The following PI4K2B variants were observed in gnomAD, a reference collection of about 807,000 sequenced individuals.
PI4K2B encodes phosphatidylinositol 4-kinase type 2-beta.
Under a neutral mutation model 56.6 loss-of-function variants are expected in PI4K2B, and 46 were observed. The observed-to-expected ratio is 0.81, with a 90% CI of 0.64 to 1.04. The LOEUF (loss-of-function observed/expected upper bound fraction) is 1.04. Ranked by LOEUF, PI4K2B falls within the 50% of genes least tolerant of loss-of-function variation. PI4K2B has a pLI of 0.00. For missense variants in PI4K2B, 556 were observed against 607.7 expected (o/e 0.91, Z 0.89); for synonymous variants, 211 against 223.8 (o/e 0.94, Z 0.51).
intron 7 of PI4K2B, among the ~76,000 whole-genome samples, chr4:25,266,240 T>G (rs986190134): frequency 2.0e-5 from 3 of 152,328 alleles, no homozygotes; most frequent in African/African-American, 7.2e-5. Flanking sequence ...TGCTCATAGC[T>G]TACTGCAGCC....
intron 5 of PI4K2B, among the ~76,000 whole-genome samples, chr4:25,260,027 A>G (rs1716402170): frequency 6.6e-6 from 1 of 152,164 alleles, no homozygotes; most frequent in Non-Finnish European, 1.5e-5. Context: ...TTTGAGAACC[A>G]CTGGTTCAAA....
rs1716168602 is a variant in PI4K2B, at chr4:25,254,152, A to G, written c.424-913A>G. Among the ~76,000 whole-genome samples the G allele has an allele frequency of 3.3e-5, 5 of 152,224 alleles. No homozygotes were observed. In the South Asian group the frequency reaches 8.3e-4, roughly 25 times the overall value. ...GCATGGATGTACACTGTATCTTATC[A>G]TTATATTTGTATTTTAGAGGTAGTT... On this transcript the variant is annotated intron_variant, in intron 2 of 9. Transcript: ENST00000264864.
chr4:25,234,568 G>A lies in PI4K2B; in HGVS notation c.268+137G>A, dbSNP rs572928921. The A allele has an allele frequency of 6.5e-4, 381 of 586,026 alleles. 4 individuals carry two copies. The South Asian group carries it at 0.022, about 34-fold the overall frequency. 36.3% of individuals were successfully genotyped at this position (586,026 alleles called of 1,614,324 possible). A position where few individuals can be genotyped will look rare whatever the true frequency, so the allele number is the denominator to read the frequency against. ...TCGCTGGGCAGCAGCTCCCGAGCTC[G>A]GACCGGCGCCAGCCGCAGCCGCACC... On this transcript the variant is annotated intron_variant, in intron 1 of 9. Transcript: ENST00000264864.
intron 1 of PI4K2B, among the ~76,000 whole-genome samples, chr4:25,251,646 A>G (rs1037734148): frequency 2.6e-5 from 4 of 152,096 alleles, no homozygotes; most frequent in South Asian, 2.1e-4. Flanking sequence ...CTTGAAATTG[A>G]AAGTGTGGTG....
At chr4:25,243,770 A>G (rs1000811565) in intron 1 of PI4K2B, among the ~76,000 whole-genome samples, 1 of 152,180 alleles carries the variant, frequency 6.6e-6, no homozygotes, top group Non-Finnish European at 1.5e-5. Flanking sequence ...GGTGGACATC[A>G]TTGAATAATT....
Position 25,234,201 on chromosome 4 carries a change from C to A in PI4K2B, c.38C>A (p.Ala13Glu), listed in dbSNP as rs938782464. 2 of 1,405,254 alleles carry A rather than the reference C, an allele frequency of 1.4e-6. No homozygotes were observed. Among genetic ancestry groups the A allele is most frequent in the Admixed American group, 2.9e-5 (1 of 34,250 alleles). The allele number at this position is 1,405,254 out of a possible 1,614,324, so 87.0% of individuals were successfully genotyped here. ...DPSEPDRLAS[A>E]DGGSPEEEED... is the part of the protein sequence containing the mutation. ...TCCGAGCCCGACCGGTTGGCGTCCG[C>A]GGACGGCGGGAGCCCGGAGGAGGAG... Residue 13 changes from alanine to glutamate, a missense_variant, in exon 1 of 10, where the codon GCG becomes GAG. Coordinates refer to ENST00000264864, the MANE Select transcript of PI4K2B (RefSeq NM_018323.4).
In PI4K2B at chr4:25,235,517, A is replaced by G. The variant is rs3796783; in HGVS notation, c.268+1086A>G. On this transcript the variant is annotated intron_variant, in intron 1 of 9. Coordinates refer to ENST00000264864, the MANE Select transcript of PI4K2B (RefSeq NM_018323.4). ...AGGCATATTCTAGAGTAAATAAATC[A>G]GAGAATCCCAAGGGGAGCAGTTTGT... 0.011 allele frequency among the ~76,000 whole-genome samples: 1,725 copies of G among 152,350 alleles called. 79 individuals carry two copies. In the East Asian group the frequency reaches 0.12, roughly 10 times the overall value.
At chr4:25,251,877 G>A (rs1246779265) in intron 1 of PI4K2B, among the ~76,000 whole-genome samples, 1 of 152,082 alleles carries the variant, frequency 6.6e-6, no homozygotes, top group East Asian at 1.9e-4. Context: ...AGGCTGGAGT[G>A]CAGTGGCGCA....
chr4:25,262,058 C>G (rs313540), intron 6 of PI4K2B, among the ~76,000 whole-genome samples: 12,303 of 152,028 alleles, frequency 0.081, 700 homozygotes, highest in South Asian at 0.19. Context: ...CACTTTGGGA[C>G]GCCAAGGTGG....
At position 25,255,132 on chromosome 4, in the gene PI4K2B, A is replaced by G; in HGVS notation, c.491A>G (p.Lys164Arg). Reference protein sequence around the residue: ...PYGQLNPKWTKYVHKVCCPCC... With the variant: ...PYGQLNPKWTRYVHKVCCPCC... ...GGTCAACTCAATCCAAAATGGACCA[A>G]ATATGTCCATAAGGTCTGCTGCCCT... Residue 164 changes from lysine (K) to arginine (R), a missense_variant, in exon 3 of 10, where the codon AAA becomes AGA. Transcript: ENST00000264864. 1.2e-6 allele frequency: 2 copies of G among 1,614,122 alleles called. No individual in the cohort carries two copies. The highest frequency in any genetic ancestry group is 1.7e-6 in the Non-Finnish European group (2 of 1,179,942).
chr4:25,270,313 C>A (rs1477814340), intron 9 of PI4K2B, among the ~76,000 whole-genome samples: 1 of 152,032 alleles, frequency 6.6e-6, no homozygotes, highest in African/African-American at 2.4e-5. Context: ...TCCCTGACCC[C>A]CCTTTCCTCT....
chr4:25,262,038 G>A (rs939655132), intron 6 of PI4K2B, among the ~76,000 whole-genome samples: 8 of 152,152 alleles, frequency 5.3e-5, no homozygotes, highest in African/African-American at 1.9e-4. Flanking sequence ...GCTCATGCCT[G>A]TAATCACAGC....
At chr4:25,264,645 C>T (rs1716599892) in intron 7 of PI4K2B, among the ~76,000 whole-genome samples, 2 of 151,552 alleles carry the variant, frequency 1.3e-5, no homozygotes, top group South Asian at 4.2e-4. Context: ...CTGAGGCTAG[C>T]AGATCACTTG....
intron 9 of PI4K2B, among the ~76,000 whole-genome samples, chr4:25,272,418 G>A (rs1339397379): frequency 3.3e-5 from 5 of 152,102 alleles, no homozygotes; most frequent in African/African-American, 1.2e-4. Context: ...TTGATTTTGA[G>A]CTTTCCGATA....
intron 9 of PI4K2B, among the ~76,000 whole-genome samples, chr4:25,271,101 T>C (rs1716872015): frequency 6.6e-6 from 1 of 152,214 alleles, no homozygotes; most frequent in African/African-American, 2.4e-5. Flanking sequence ...TTTAGATTAT[T>C]AGCTCACGCA....
chr4:25,246,098 T>C (rs1259721428), intron 1 of PI4K2B, among the ~76,000 whole-genome samples: 1 of 152,140 alleles, frequency 6.6e-6, no homozygotes, highest in African/African-American at 2.4e-5. Flanking sequence ...GGAGTGAAGC[T>C]GCAGACCTTC....
intron 1 of PI4K2B, among the ~76,000 whole-genome samples, chr4:25,239,852 C>T (rs1715441009): frequency 1.3e-5 from 2 of 152,242 alleles, no homozygotes; most frequent in Admixed American, 1.3e-4. Flanking sequence ...CCAATGACTG[C>T]TCTAGCTACT....
At chr4:25,267,872 G>A in intron 7 of PI4K2B, 1 of 983,864 alleles carries the variant, frequency 1.0e-6, no homozygotes, top group Non-Finnish European at 1.2e-6. Context: ...GTACAAGTAA[G>A]TGGTCAATTT....
In PI4K2B at chr4:25,269,168, A is replaced by G; in HGVS notation, c.1237A>G (p.Thr413Ala). The change falls in exon 9 of 10, where the codon ACT becomes GCT. Residue 413 changes from threonine (T) to alanine (A), a missense_variant. Thr to Ala is a moderately conservative substitution (Grantham distance 58). Coordinates refer to ENST00000264864, the MANE Select transcript of PI4K2B (RefSeq NM_018323.4). Reference sequence around the variant, plus strand: ...GACTGACAAAGGATTTGACAAAGCCACTTTTGAAAGTCAGATGTCTGTGAT... The same window carrying G: ...GACTGACAAAGGATTTGACAAAGCCGCTTTTGAAAGTCAGATGTCTGTGAT... ...FKTDKGFDKATFESQMSVMRG... is the reference protein window; with the variant it reads ...FKTDKGFDKAAFESQMSVMRG... 6.3e-7 allele frequency: 1 copy of G among 1,589,684 alleles called. No homozygotes were observed.
Sources: gnomAD v4.1 joint callset for allele counts (sites outside exome capture counted in the v4.1 genomes callset) on GRCh38, gnomAD v4.1.1 for gene constraint, MANE v1.5 for transcripts, NCBI Gene and HGNC (gene_info 2026-07-23, HGNC 2026-07-21) for gene names.